The following SLC20A2 variants were observed in gnomAD, a reference collection of about 807,000 sequenced individuals.
SLC20A2 encodes the protein sodium-dependent phosphate transporter 2.
In SLC20A2, 30 loss-of-function variants were observed where a neutral mutation model predicts 61.0. The ratio of observed to expected loss-of-function variants is 0.49; its 90% CI spans 0.37 to 0.67. The LOEUF (loss-of-function observed/expected upper bound fraction) is 0.67. SLC20A2 is among the 30% of genes least tolerant of loss of function. The pLI, the probability that SLC20A2 is intolerant of heterozygous loss-of-function variation, is 0.00. For missense variants in SLC20A2, 626 were observed against 866.4 expected (o/e 0.72, Z 3.48); for synonymous variants, 351 against 353.3 (o/e 0.99, Z 0.07).
intron 1 of SLC20A2, among the ~76,000 whole-genome samples, chr8:42,531,433 G>A (rs1223455024): frequency 6.6e-6 from 1 of 152,216 alleles, no homozygotes; most frequent in East Asian, 1.9e-4. Context: ...CCATGAATGT[G>A]ATATATAAGG....
chr8:42,486,974 C>G (rs907693683), intron 1 of SLC20A2, among the ~76,000 whole-genome samples: 1 of 152,046 alleles, frequency 6.6e-6, no homozygotes, highest in Non-Finnish European at 1.5e-5. Flanking sequence ...TCAAGTGATT[C>G]TCCTGCCTCA....
At chr8:42,533,485 G>A (rs1360135334) in intron 1 of SLC20A2, among the ~76,000 whole-genome samples, 5 of 151,664 alleles carry the variant, frequency 3.3e-5, no homozygotes, top group African/African-American at 7.3e-5. Flanking sequence ...GCTTAGTGGC[G>A]CATGCCTGTG....
In SLC20A2 at chr8:42,417,649, A is replaced by T. The variant is rs866110837; in HGVS notation, c.*154T>A. The T allele has an allele frequency of 1.5e-6, 1 of 679,840 alleles. No individual in the cohort carries two copies. The highest frequency in any genetic ancestry group is 2.4e-6 in the Non-Finnish European group (1 of 414,976). 42.1% of individuals were successfully genotyped at this position (679,840 alleles called of 1,614,324 possible). A position where few individuals can be genotyped will look rare whatever the true frequency, so the allele number is the denominator to read the frequency against. On this transcript the variant is annotated 3_prime_UTR_variant, in exon 11 of 11. Coordinates refer to ENST00000520262, the MANE Select transcript of SLC20A2 (RefSeq NM_001257180.2). ...GTGAGTCTCCGCAGCCTGGGTGAAC[A>T]GTGTGGGATGGAGCCTCCTGGAAGG...
Position 42,491,338 on chromosome 8 carries a change from C to T in SLC20A2, c.-265+9693G>A, listed in dbSNP as rs191564874. On this transcript the variant is annotated intron_variant, in intron 1 of 10. Coordinates refer to ENST00000520262, the MANE Select transcript of SLC20A2 (RefSeq NM_001257180.2). ...ACCAGCCTGGCCAACAGTGAAACCC[C>T]GTCTCTACTAAAAAAAATTTGCCAG... Among the ~76,000 whole-genome samples, 13 of 152,092 alleles carry T rather than the reference C, an allele frequency of 8.5e-5. No homozygotes were observed. The East Asian group carries it at 2.3e-3, about 27-fold the overall frequency.
chr8:42,485,454 CA>C (rs1175590472), intron 1 of SLC20A2, among the ~76,000 whole-genome samples: 1 of 151,020 alleles, frequency 6.6e-6, no homozygotes, highest in Non-Finnish European at 1.5e-5. Flanking sequence ...CCAGCCTGGC[CA>C]ACATGGTGAA....
chr8:42,497,632 G>A (rs910383824), intron 1 of SLC20A2, among the ~76,000 whole-genome samples: 7 of 151,652 alleles, frequency 4.6e-5, no homozygotes, highest in East Asian at 1.9e-4. Context: ...AGAGTCTCCC[G>A]GTCATTTGTT....
intron 1 of SLC20A2, among the ~76,000 whole-genome samples, chr8:42,495,753 T>C (rs200046160): frequency 0.022 from 2,879 of 133,340 alleles, 63 homozygotes; most frequent in South Asian, 0.12. Flanking sequence ...TCCCTCCCCC[T>C]TTTTTTTTTT....
intron 1 of SLC20A2, among the ~76,000 whole-genome samples, chr8:42,513,348 T>C (rs1274135138): frequency 3.9e-5 from 6 of 152,202 alleles, no homozygotes; most frequent in Non-Finnish European, 8.8e-5. Flanking sequence ...CCACCTCTCA[T>C]TCAGAAACCG....
intron 1 of SLC20A2, among the ~76,000 whole-genome samples, chr8:42,492,473 A>C (rs1809594006): frequency 1.3e-5 from 2 of 152,264 alleles, no homozygotes. Context: ...CAGTAGAAAG[A>C]CACGAGATGA....
intron 1 of SLC20A2, among the ~76,000 whole-genome samples, chr8:42,526,400 G>T (rs555516718): frequency 6.6e-6 from 1 of 151,906 alleles, no homozygotes; most frequent in Non-Finnish European, 1.5e-5. Flanking sequence ...CCGGCTGGGT[G>T]TGGTGGCTCA....
intron 8 of SLC20A2, among the ~76,000 whole-genome samples, chr8:42,431,589 A>G (rs1304733186): frequency 1.3e-5 from 2 of 152,258 alleles, no homozygotes; most frequent in Admixed American, 6.5e-5. Flanking sequence ...TAGATTTTCA[A>G]TGTAGAAGAA....
At chr8:42,455,257 T>TATATATATATATATATATAG (rs1357416749) in intron 5 of SLC20A2, among the ~76,000 whole-genome samples, 1 of 81,622 alleles carries the variant, frequency 1.2e-5, no homozygotes, top group African/African-American at 4.4e-5. Flanking sequence ...TATATATATA[T>TATATATATATATATATATAG]AGAGAGAGAG....
chr8:42,532,825 G>A (rs1334722466), intron 1 of SLC20A2, among the ~76,000 whole-genome samples: 1 of 152,220 alleles, frequency 6.6e-6, no homozygotes, highest in Admixed American at 6.5e-5. Context: ...GTGGACCACA[G>A]GCGAGGGTGA....
At chr8:42,508,515 C>G (rs1446393882) in intron 1 of SLC20A2, among the ~76,000 whole-genome samples, 1 of 152,108 alleles carries the variant, frequency 6.6e-6, no homozygotes, top group Non-Finnish European at 1.5e-5. Flanking sequence ...CTCAGCCTCC[C>G]GAGTAGCTGG....
intron 2 of SLC20A2, among the ~76,000 whole-genome samples, chr8:42,470,548 G>A (rs1232636330): frequency 1.3e-5 from 2 of 152,150 alleles, no homozygotes; most frequent in African/African-American, 2.4e-5. Flanking sequence ...CCTGGTGTGT[G>A]TTACTGGCCT....
At chr8:42,466,060 G>A (rs1403211848) in intron 2 of SLC20A2, 143 bp from the exon 3 acceptor site, 10 of 718,138 alleles carry the variant, frequency 1.4e-5, no homozygotes, top group South Asian at 2.3e-5. Context: ...GCTACAGCCT[G>A]GACAAAAATC....
At chr8:42,434,081 A>G (rs1054130927) in intron 8 of SLC20A2, among the ~76,000 whole-genome samples, 6 of 151,806 alleles carry the variant, frequency 4.0e-5, no homozygotes, top group Non-Finnish European at 8.8e-5. Context: ...TATTTTTGAG[A>G]GAGTCTCCCT....
At chr8:42,434,022 T>A (rs1804056798) in intron 8 of SLC20A2, among the ~76,000 whole-genome samples, 1 of 150,972 alleles carries the variant, frequency 6.6e-6, no homozygotes, top group Non-Finnish European at 1.5e-5. Flanking sequence ...ACTTGTTACT[T>A]TTTTTTTTAA....
chr8:42,436,283 G>C (rs1434338866), intron 8 of SLC20A2, among the ~76,000 whole-genome samples: 1 of 152,020 alleles, frequency 6.6e-6, no homozygotes, highest in African/African-American at 2.4e-5. Context: ...GGCCTGTCCT[G>C]AACTCGGGCG....
Sources: allele counts gnomAD v4.1 joint callset (sites outside exome capture counted in the v4.1 genomes callset), GRCh38; gene constraint gnomAD v4.1.1; transcripts MANE v1.5; gene names NCBI Gene and HGNC (gene_info 2026-07-23, HGNC 2026-07-21).